The following ATXN2 variants were observed in gnomAD, a reference collection of about 807,000 sequenced individuals.
ATXN2 encodes the protein ataxin 2.
A neutral mutation model predicts 138.6 loss-of-function variants in ATXN2; 37 were observed. The ratio of observed to expected loss-of-function variants is 0.27; its 90% CI spans 0.21 to 0.35. The LOEUF (loss-of-function observed/expected upper bound fraction) is 0.35, where lower values mean the gene tolerates loss of function less well. Ranked by LOEUF, ATXN2 falls within the 10% of genes least tolerant of loss-of-function variation. ATXN2 has a pLI of 1.00. For synonymous variants in ATXN2, 549 were observed against 543.7 expected, an observed-to-expected ratio of 1.01 and a Z score of -0.13; for missense variants, 1,216 against 1,480.3, an observed-to-expected ratio of 0.82 and a Z score of 2.93.
In ATXN2 at chr12:111,555,867, C is replaced by A. The variant is rs777961278; in HGVS notation, c.288+16G>T. On this transcript the variant is annotated intron_variant, in intron 2 of 24. Coordinates refer to ENST00000673436, the MANE Select transcript of ATXN2 (RefSeq NM_001372574.1). ...GCTACTAATTTTCCCCAATAAGTAA[C>A]ATTAAAGTTACTCACCGTAGACTGA... 3.1e-6 allele frequency: 5 copies of A among 1,591,112 alleles called. No individual in the cohort carries two copies. Among genetic ancestry groups the A allele is most frequent in the Non-Finnish European group, 4.3e-6 (5 of 1,169,028 alleles).
At chr12:111,568,829 T>C (rs1034730953) in intron 1 of ATXN2, among the ~76,000 whole-genome samples, 5 of 152,220 alleles carry the variant, frequency 3.3e-5, no homozygotes, top group Non-Finnish European at 5.9e-5. Flanking sequence ...AGGTGAGTCA[T>C]TTTGTTCTTC....
At chr12:111,487,208 A>C (rs114591838) in intron 15 of ATXN2, among the ~76,000 whole-genome samples, 1 of 151,774 alleles carries the variant, frequency 6.6e-6, no homozygotes, top group Non-Finnish European at 1.5e-5. Flanking sequence ...CCTCCTGATT[A>C]GCTGGGATTA....
At chr12:111,551,249 A>G (rs1746514993) in intron 5 of ATXN2, among the ~76,000 whole-genome samples, 1 of 151,146 alleles carries the variant, frequency 6.6e-6, no homozygotes, top group South Asian at 2.1e-4. Flanking sequence ...GTGAGCCGAG[A>G]TCGTGCCACT....
intron 1 of ATXN2, among the ~76,000 whole-genome samples, chr12:111,572,156 T>C (rs1423345732): frequency 2.0e-5 from 3 of 152,200 alleles, no homozygotes; most frequent in Admixed American, 6.6e-5. Flanking sequence ...TCCCAGCACT[T>C]TGGGAGGCCG....
At chr12:111,467,306 G>GTTTT (rs1876095446) in intron 20 of ATXN2, among the ~76,000 whole-genome samples, 7 of 80,952 alleles carry the variant, frequency 8.6e-5, no homozygotes, top group African/African-American at 6.5e-4. Flanking sequence ...CCATGACTGG[G>GTTTT]CTTTTTTTTT....
Position 111,547,389 on chromosome 12 carries a change from T to C in ATXN2, c.571+4891A>G, listed in dbSNP as rs539910768. ...TTGCAGTGAGCTGAGATCACGCCAC[T>C]GCACTCCAGCCTGGGTGACAGAGCG... On this transcript the variant is annotated intron_variant, in intron 5 of 24. Coordinates refer to ENST00000673436, the MANE Select transcript of ATXN2 (RefSeq NM_001372574.1). Among the ~76,000 whole-genome samples the C allele has an allele frequency of 2.2e-4, 34 of 152,004 alleles. No individual in the cohort carries two copies. In the South Asian group the frequency reaches 6.5e-3, roughly 29 times the overall value.
chr12:111,550,411 A>AT (rs879855196), intron 5 of ATXN2, among the ~76,000 whole-genome samples: 32 of 152,330 alleles, frequency 2.1e-4, no homozygotes, highest in Admixed American at 2.0e-3. Context: ...AAGACAATGC[A>AT]TACCGTAAAT....
intron 5 of ATXN2, among the ~76,000 whole-genome samples, 167 bp from the exon 6 acceptor site, chr12:111,525,483 G>A (rs1395846643): frequency 6.6e-6 from 1 of 152,102 alleles, no homozygotes; most frequent in Non-Finnish European, 1.5e-5. Flanking sequence ...ACATAATTTA[G>A]GTTGATGAAA....
Position 111,516,833 on chromosome 12 carries a change from T to G in ATXN2, c.1166-470A>C, listed in dbSNP as rs772386789. Among the ~76,000 whole-genome samples the G allele has an allele frequency of 2.6e-5, 4 of 152,208 alleles. No homozygotes were observed. The highest frequency in any genetic ancestry group is 5.9e-5 in the Non-Finnish European group (4 of 68,020). On this transcript the variant is annotated intron_variant, in intron 9 of 24. Coordinates refer to ENST00000673436, the MANE Select transcript of ATXN2 (RefSeq NM_001372574.1). This position sits in a 1 kb window ranked among gnomAD's most constrained non-coding sequence, Gnocchi z 5.0. ...AGCTATTATATCCAATTAGAAATGC[T>G]GGTTCCTTACAATTATCTATGATTT...
chr12:111,556,471 G>A (rs1194298257), intron 1 of ATXN2, among the ~76,000 whole-genome samples: 3 of 152,110 alleles, frequency 2.0e-5, no homozygotes, highest in Admixed American at 1.3e-4. Flanking sequence ...AACCAACACA[G>A]ATGACTGACA....
At chr12:111,529,829 T>C (rs891722971) in intron 5 of ATXN2, among the ~76,000 whole-genome samples, 9 of 152,220 alleles carry the variant, frequency 5.9e-5, no homozygotes, top group African/African-American at 1.7e-4. Context: ...AAAATGGTAG[T>C]GTTAAACATT....
At chr12:111,567,349 A>G (rs1883067139) in intron 1 of ATXN2, among the ~76,000 whole-genome samples, 1 of 151,926 alleles carries the variant, frequency 6.6e-6, no homozygotes, top group Non-Finnish European at 1.5e-5. Flanking sequence ...AAAATACAAA[A>G]ATTAGCCTGG....
rs1879447490 is a variant in ATXN2, at chr12:111,510,552, G to C, written c.1589C>G (p.Pro530Arg). The C allele has an allele frequency of 1.2e-6, 2 of 1,613,398 alleles. No homozygotes were observed. Among genetic ancestry groups the C allele is most frequent in the Non-Finnish European group, 1.7e-6 (2 of 1,179,598 alleles). ...VPRLSPKTHR[P>R]RSPRQNSIGN... ...AATACTGTTCTGTCTGGGAGACCTGGGTCTATGAGTTTTAGGGGATAATCT... is the reference window on the plus strand; with the variant it reads ...AATACTGTTCTGTCTGGGAGACCTGCGTCTATGAGTTTTAGGGGATAATCT... The change falls in exon 12 of 25, where the codon CCC (proline) becomes CGC (arginine). Residue 530 changes from proline (P) to arginine (R), a missense_variant. By Grantham distance (103) the Pro-to-Arg change is moderately radical. Around this residue, in one of 4 missense-constraint regions of ATXN2, gnomAD observed 215 missense variants for 210.0 expected, o/e 1.02. Coordinates refer to ENST00000673436, the MANE Select transcript of ATXN2 (RefSeq NM_001372574.1).
rs375552550 is a variant in ATXN2 at position 111,495,852 on chromosome 12, C to G, written c.1936-7072G>C. Among the ~76,000 whole-genome samples, 6 of 152,088 alleles carry G rather than the reference C, an allele frequency of 3.9e-5. 1 individual carries two copies. The South Asian group carries it at 1.2e-3, about 32-fold the overall frequency. ...CCCTATGTTAAGCCACAAAACAAGT[C>G]TAAAGATTTGACGTGGCACAGTGGC... On this transcript the variant is annotated intron_variant, in intron 14 of 24. Transcript: ENST00000673436.
chr12:111,487,619 C>T (rs1289472224), intron 15 of ATXN2, among the ~76,000 whole-genome samples: 1 of 152,026 alleles, frequency 6.6e-6, no homozygotes, highest in Non-Finnish European at 1.5e-5. Context: ...ACCACCATGC[C>T]TGGCTAATTT....
At chr12:111,566,901 G>A (rs887034374) in intron 1 of ATXN2, among the ~76,000 whole-genome samples, 1 of 152,296 alleles carries the variant, frequency 6.6e-6, no homozygotes, top group African/African-American at 2.4e-5. Flanking sequence ...GCCTCCCAAA[G>A]TACTGGGATT....
At chr12:111,508,838 T>G (rs1382937720) in intron 14 of ATXN2, among the ~76,000 whole-genome samples, 1 of 152,216 alleles carries the variant, frequency 6.6e-6, no homozygotes, top group Non-Finnish European at 1.5e-5. Flanking sequence ...GTATTTTGAA[T>G]GTTACCAATA....
intron 1 of ATXN2, among the ~76,000 whole-genome samples, chr12:111,564,548 A>G (rs1882883863): frequency 6.6e-6 from 1 of 151,934 alleles, no homozygotes; most frequent in South Asian, 2.1e-4. Context: ...AATACTTATT[A>G]CCTGAGACTT....
At chr12:111,509,771 A>T (rs1879392811) in intron 13 of ATXN2, 120 bp downstream of exon 13, 1 of 954,070 alleles carries the variant, frequency 1.0e-6, no homozygotes, top group Admixed American at 2.7e-5. Flanking sequence ...GTCAAGCAAT[A>T]CATTTATCTA....
Sources: gnomAD v4.1 joint callset for allele counts (sites outside exome capture counted in the v4.1 genomes callset) on GRCh38, gnomAD v4.1.1 for gene constraint, gnomAD v4.1.1 regional missense constraint, Gnocchi (gnomAD v3.1) non-coding constraint, MANE v1.5 for transcripts, NCBI Gene and HGNC (gene_info 2026-07-23, HGNC 2026-07-21) for gene names.